Variants in DMD observed in about 807,000 individuals in gnomAD.
DMD encodes the protein mutant dystrophin.
DMD carries 63 observed loss-of-function variants against 330.1 expected under a neutral mutation model. The ratio of observed to expected loss-of-function variants is 0.19; its 90% confidence interval spans 0.16 to 0.24. DMD has a LOEUF of 0.24. Among genes scored for constraint, DMD ranks in the 10% least tolerant of loss-of-function variants. The pLI is 1.00. For synonymous variants in DMD, 1,223 were observed against 959.8 expected (o/e 1.27, Z -5.07); for missense variants, 3,344 against 2,684.1 (o/e 1.25, Z -5.43).
intron 39 of DMD, 98 bp from the exon 40 acceptor site, chrX:32,343,384 T>C: frequency 1.3e-6 from 1 of 792,797 alleles, no homozygotes; most frequent in Non-Finnish European, 1.8e-6. Context: ...CCTCATCTTT[T>C]TGTACAACTT....
intron 7 of DMD, among the ~76,000 whole-genome samples, chrX:32,740,865 A>G (rs1316232309): frequency 9.0e-6 from 1 of 111,665 alleles, no homozygotes; most frequent in Non-Finnish European, 1.9e-5. Flanking sequence ...GTGTTTACAT[A>G]ACATGCCCTA....
chrX:33,182,816 G>A (rs1346224043), intron 1 of DMD, among the ~76,000 whole-genome samples: 1 of 112,024 alleles, frequency 8.9e-6, no homozygotes, highest in African/African-American at 3.2e-5. Flanking sequence ...ATCCTATCAA[G>A]GAAAATAAGC....
intron 1 of DMD, among the ~76,000 whole-genome samples, chrX:33,130,807 T>A (rs765736704): frequency 2.4e-4 from 27 of 111,423 alleles, no homozygotes; most frequent in African/African-American, 7.8e-4. Flanking sequence ...TGCCTCGGCC[T>A]CCCAAAGTGC....
Position 32,176,385 on chromosome X carries a change from AT to A in DMD, c.6438+40530del, listed in dbSNP as rs780552540. On this transcript the variant is annotated intron_variant, in intron 44 of 78. Coordinates refer to ENST00000357033, the MANE Select transcript of DMD (RefSeq NM_004006.3). Reference sequence around the variant, plus strand: ...ACCCAATATATTAATGAATACAATCATTGTAGAAAGTTAAATCCACAGTGGT... The same window carrying A: ...ACCCAATATATTAATGAATACAATCATGTAGAAAGTTAAATCCACAGTGGT... Among the ~76,000 whole-genome samples, 593 of 111,523 alleles carry A rather than the reference AT, an allele frequency of 5.3e-3. 2 individuals carry two copies. Among genetic ancestry groups the A allele is most frequent in the African/African-American group, 0.018 (547 of 30,680 alleles).
intron 42 of DMD, among the ~76,000 whole-genome samples, chrX:32,298,442 AG>A (rs749339647): frequency 9.1e-6 from 1 of 110,068 alleles, no homozygotes; most frequent in East Asian, 2.9e-4. Flanking sequence ...CAGGAGGATA[AG>A]GTTAGGGTGT....
chrX:32,444,204 T>C (rs2098294156), intron 27 of DMD, among the ~76,000 whole-genome samples: 1 of 110,375 alleles, frequency 9.1e-6, no homozygotes, highest in Non-Finnish European at 1.9e-5. Flanking sequence ...CATTGGAATA[T>C]TATGATTTAG....
chrX:32,410,068 G>C (rs112914229), intron 30 of DMD, among the ~76,000 whole-genome samples: 1 of 111,354 alleles, frequency 9.0e-6, no homozygotes, highest in Non-Finnish European at 1.9e-5. Flanking sequence ...AGAGAACCTG[G>C]CTTGTGTAAG....
chrX:33,141,515 T>C (rs1039743775), intron 1 of DMD, among the ~76,000 whole-genome samples: 27 of 111,511 alleles, frequency 2.4e-4, no homozygotes, highest in Non-Finnish European at 5.1e-4. Flanking sequence ...AAAAGTACTA[T>C]AAATATAGAG....
At chrX:31,747,141 T>C (rs1309243602) in intron 51 of DMD, among the ~76,000 whole-genome samples, 1 of 111,507 alleles carries the variant, frequency 9.0e-6, no homozygotes, top group Non-Finnish European at 1.9e-5. Context: ...GGAATTGCTA[T>C]TATAGAGTGT....
At chrX:32,579,562 T>C (rs2053430303) in intron 13 of DMD, among the ~76,000 whole-genome samples, 1 of 112,671 alleles carries the variant, frequency 8.9e-6, no homozygotes, top group African/African-American at 3.2e-5. Context: ...TACAGTGAGA[T>C]ATCCAGATGC....
At chrX:32,680,864 C>T (rs1246632028) in intron 9 of DMD, among the ~76,000 whole-genome samples, 1 of 111,224 alleles carries the variant, frequency 9.0e-6, no homozygotes, top group South Asian at 3.9e-4. Flanking sequence ...CCTCAGGCTA[C>T]GCCCCTTATA....
Position 32,712,183 on chromosome X carries a change from C to T in DMD, c.650-12890G>A, listed in dbSNP as rs147283440. Among the ~76,000 whole-genome samples, 290 of 111,208 alleles carry T rather than the reference C, an allele frequency of 2.6e-3. 1 individual carries two copies. Among genetic ancestry groups the T allele is most frequent in the African/African-American group, 9.1e-3 (278 of 30,685 alleles). On this transcript the variant is annotated intron_variant, in intron 7 of 78. Transcript: ENST00000357033. ...TATTTATTGGACACTTGCCATAAGT[C>T]GAGGATTATGCTGGACACTGCAGCT...
chrX:32,730,738 G>A (rs1283970193), intron 7 of DMD, among the ~76,000 whole-genome samples: 1 of 112,090 alleles, frequency 8.9e-6, no homozygotes, highest in East Asian at 2.8e-4. Context: ...GATGAAATTA[G>A]TATTTTATTA....
intron 62 of DMD, among the ~76,000 whole-genome samples, chrX:31,284,609 T>TCTTCTTCTTC (rs1312014572): frequency 9.6e-6 from 1 of 104,092 alleles, no homozygotes; most frequent in African/African-American, 3.7e-5. Context: ...CTTCTTCTTT[T>TCTTCTTCTTC]TTTTGGCAGA....
intron 46 of DMD, among the ~76,000 whole-genome samples, chrX:31,930,759 TTAA>T (rs2149995109): frequency 8.9e-6 from 1 of 111,987 alleles, no homozygotes; most frequent in East Asian, 2.8e-4. Flanking sequence ...TGCATATTAA[TTAA>T]TAAGAAAATG....
intron 15 of DMD, among the ~76,000 whole-genome samples, 184 bp downstream of exon 15, chrX:32,573,346 G>A (rs2052643713): frequency 8.9e-6 from 1 of 111,766 alleles, no homozygotes; most frequent in Non-Finnish European, 1.9e-5. Context: ...AAACAAAGTT[G>A]AAAATCCACC....
intron 44 of DMD, among the ~76,000 whole-genome samples, chrX:32,044,978 A>G (rs2096052351): frequency 9.0e-6 from 1 of 111,587 alleles, no homozygotes. Flanking sequence ...TATAATTCCC[A>G]ATGTTGGTGG....
intron 44 of DMD, among the ~76,000 whole-genome samples, chrX:32,044,826 T>C: frequency 8.9e-6 from 1 of 112,379 alleles, no homozygotes; most frequent in Non-Finnish European, 1.9e-5. Flanking sequence ...CTTGTGTTCG[T>C]ATTCAATAAA....
intron 27 of DMD, among the ~76,000 whole-genome samples, chrX:32,442,356 C>A (rs2098284642): frequency 9.1e-6 from 1 of 110,365 alleles, no homozygotes; most frequent in South Asian, 3.8e-4. Context: ...GAAAAGAAAA[C>A]CTGAACCAAA....
Sources: gnomAD v4.1 joint callset for allele counts (sites outside exome capture counted in the v4.1 genomes callset) on GRCh38, gnomAD v4.1.1 for gene constraint, MANE v1.5 for transcripts, NCBI Gene and HGNC (gene_info 2026-07-23, HGNC 2026-07-21) for gene names.